Variants in MBOAT7 observed in about 807,000 individuals in gnomAD.
MBOAT7 encodes the protein membrane-bound acylglycerophosphatidylinositol O-acyltransferase MBOAT7.
In MBOAT7, 40 loss-of-function variants were observed where a neutral mutation model predicts 47.4. That is an observed-to-expected ratio of 0.84 (90% CI 0.66 to 1.10). The LOEUF is 1.10. Ranked by LOEUF, MBOAT7 falls within the 50% of genes least tolerant of loss-of-function variation. MBOAT7 has a pLI of 0.00. For missense variants in MBOAT7, 680 were observed against 655.6 expected, an observed-to-expected ratio of 1.04 and a Z score of -0.41; for synonymous variants, 361 against 292.0, an observed-to-expected ratio of 1.24 and a Z score of -2.41.
intron 7 of MBOAT7, 37 bp from the exon 8 acceptor site, chr19:54,174,468 A>G: frequency 1.3e-6 from 2 of 1,485,936 alleles, no homozygotes; most frequent in Non-Finnish European, 1.8e-6. Context: ...CTACGAGTCC[A>G]GGTCCCCAGT....
At position 54,187,182 on chromosome 19, in the gene MBOAT7, G is replaced by T; in HGVS notation, c.312C>A (p.Val104=). The T allele has an allele frequency of 6.3e-7, 1 of 1,582,340 alleles. No homozygotes were observed. The highest frequency in any genetic ancestry group is 8.6e-7 in the Non-Finnish European group (1 of 1,166,460). Residue 104 remains valine (V), a synonymous_variant, in exon 4 of 8, where the codon GTC becomes GTA. Coordinates refer to ENST00000245615, the MANE Select transcript of MBOAT7 (RefSeq NM_024298.5). ...LPTPTPFTNA[V]QLLLTLKLVS... is the part of the protein sequence containing the mutation. ...TGACCTTCAGCGTCAGCAGCAGCTG[G>T]ACGGCATTGGTGAAGGGCGTGGGAG...
At position 54,188,317 on chromosome 19, in the gene MBOAT7, C is replaced by T. The variant is rs1171700389; in HGVS notation, c.106G>A (p.Ala36Thr). The T allele has an allele frequency of 6.2e-7, 1 of 1,613,974 alleles. No homozygotes were observed. Residue 36 changes from alanine (A) to threonine (T), a missense_variant, in exon 3 of 8, where the codon GCT (alanine) becomes ACT (threonine). Transcript: ENST00000245615. ...AACAGGGTGAGCCCCAGGCCCACAG[C>T]GGCTGCTCCCCATCTCTTCAGCCCA... is the stretch of plus-strand genomic sequence containing the variant. Reference protein sequence around the residue: ...GPGLKRWGAAAVGLGLTLFTC... With the variant: ...GPGLKRWGAATVGLGLTLFTC...
intron 3 of MBOAT7, among the ~76,000 whole-genome samples, 180 bp downstream of exon 3, chr19:54,188,035 AAG>A (rs112532057): frequency 0.42 from 58,718 of 140,768 alleles, 12,785 homozygotes; most frequent in East Asian, 0.57. Flanking sequence ...GAAAGAAAGA[AAG>A]AAAGAAAGAA....
intron 7 of MBOAT7, among the ~76,000 whole-genome samples, chr19:54,175,872 C>G (rs901857481): frequency 1.3e-5 from 2 of 152,192 alleles, no homozygotes; most frequent in Non-Finnish European, 2.9e-5. Context: ...CTACAGGTGC[C>G]CACCACCATG....
At position 54,188,653 on chromosome 19, in the gene MBOAT7, G is replaced by A. The variant is rs896638199; in HGVS notation, c.-3-142C>T. The A allele has an allele frequency of 1.6e-5, 12 of 765,386 alleles. No individual in the cohort carries two copies. In the African/African-American group the frequency reaches 2.1e-4, roughly 14 times the overall value. 47.4% of individuals were successfully genotyped at this position (765,386 alleles called of 1,614,324 possible). ...GTATGAGCCTCAGCTCCTCTCCTTTGAGAACCTAGCAACCCAGACTCCAGC... is the reference window on the plus strand; with the variant it reads ...GTATGAGCCTCAGCTCCTCTCCTTTAAGAACCTAGCAACCCAGACTCCAGC... On this transcript the variant is annotated intron_variant, in intron 1 of 7. Transcript: ENST00000245615.
At position 54,180,464 on chromosome 19, in the gene MBOAT7, G is replaced by A. The variant is rs1435086742; in HGVS notation, c.854+309C>T. 3.0e-6 allele frequency: 1 copy of A among 332,404 alleles called. No individual in the cohort carries two copies. The highest frequency in any genetic ancestry group is 5.5e-6 in the Non-Finnish European group (1 of 181,954). The allele number at this position is 332,404 out of a possible 1,614,324, so 20.6% of individuals were successfully genotyped here. A position where few individuals can be genotyped will look rare whatever the true frequency, so the allele number is the denominator to read the frequency against. On this transcript the variant is annotated intron_variant, in intron 6 of 7. Coordinates refer to ENST00000245615, the MANE Select transcript of MBOAT7 (RefSeq NM_024298.5). The surrounding 1 kb of genome is among the most constrained non-coding windows in gnomAD (Gnocchi z 5.2). ...AAGCAGGAACAATCTGGTTCTGGGG[G>A]GTGACACTTCTGTGGCAACAGAGGG...
At chr19:54,184,484 T>C (rs2076376955) in intron 4 of MBOAT7, among the ~76,000 whole-genome samples, 1 of 152,110 alleles carries the variant, frequency 6.6e-6, no homozygotes. Flanking sequence ...TCAGTAGAAA[T>C]CCCTGGCTGG....
At chr19:54,175,849 C>G (rs550986279) in intron 7 of MBOAT7, among the ~76,000 whole-genome samples, 15 of 152,200 alleles carry the variant, frequency 9.9e-5, no homozygotes, top group Non-Finnish European at 2.1e-4. Flanking sequence ...CTCAGCCTCC[C>G]GAGCAGCTGG....
intron 7 of MBOAT7, among the ~76,000 whole-genome samples, chr19:54,175,130 C>G (rs535201262): frequency 6.6e-6 from 1 of 152,082 alleles, no homozygotes; most frequent in Non-Finnish European, 1.5e-5. Flanking sequence ...CGCCTGCCAC[C>G]ACGCCCGGCT....
At chr19:54,174,539 G>A (rs943803230) in intron 7 of MBOAT7, 108 bp from the exon 8 acceptor site, 9 of 1,180,910 alleles carry the variant, frequency 7.6e-6, no homozygotes, top group Middle Eastern at 2.9e-4. Context: ...AGACCGAGAA[G>A]TGCAGGCCCA....
Position 54,181,033 on chromosome 19 carries a change from G to A in MBOAT7, c.594C>T (p.Ala198=). ...GCAGGAACAGCAGGCCGAAGAGCGG[G>A]GCCGGCCAGGCGCGGCGCAGCAGGG... ...LRPLLRRAWP[A]PLFGLLFLLS... Residue 198 remains alanine (A), a synonymous_variant, in exon 6 of 8, where the codon GCC becomes GCT. Transcript: ENST00000245615. 1 of 1,550,652 alleles carries A rather than the reference G, an allele frequency of 6.4e-7. No homozygotes were observed. Among genetic ancestry groups the A allele is most frequent in the South Asian group, 1.2e-5 (1 of 84,106 alleles).
intron 7 of MBOAT7, among the ~76,000 whole-genome samples, chr19:54,176,188 T>G (rs1354918063): frequency 6.6e-6 from 1 of 152,068 alleles, no homozygotes; most frequent in Non-Finnish European, 1.5e-5. Flanking sequence ...GGAGTCTTGC[T>G]ATGTTGACCT....
At chr19:54,179,905 AG>A (rs1490716418) in intron 6 of MBOAT7, 5 of 152,260 alleles carry the variant, frequency 3.3e-5, no homozygotes, top group African/African-American at 2.4e-5. Context: ...TGCAGCTGTC[AG>A]GAACACAAGG....
chr19:54,178,598 G>C (rs2076174236), intron 7 of MBOAT7, 167 bp downstream of exon 7: 1 of 1,430,088 alleles, frequency 7.0e-7, no homozygotes, highest in Non-Finnish European at 9.1e-7. Flanking sequence ...TTTTACACCG[G>C]CATGCTGCCA....
intron 4 of MBOAT7, among the ~76,000 whole-genome samples, chr19:54,184,247 C>A (rs1364855478): frequency 2.0e-5 from 3 of 150,468 alleles, no homozygotes; most frequent in African/African-American, 7.4e-5. Context: ...ACTGCAACCC[C>A]CACCTCCTGG....
In MBOAT7 at chr19:54,180,936, G is replaced by GGCGGGCGGGCA. The variant is rs1264222654; in HGVS notation, c.680_690dup (p.Leu231CysfsTer8). The stretch of plus-strand genomic sequence containing the variant: ...AAGAAGACGGGGATCATGTAGAAGA[G>GGCGGGCGGGCA]GCGGGCGGGCAGCGGGCGGGCGTAG... On this transcript the variant is annotated frameshift_variant, in exon 6 of 8. Transcript: ENST00000245615. LOFTEE classifies it high-confidence loss of function. This position sits in a 1 kb window ranked among gnomAD's most constrained non-coding sequence, Gnocchi z 5.2. 16 of 1,591,270 alleles carry GGCGGGCGGGCA rather than the reference G, an allele frequency of 1.0e-5. No homozygotes were observed. The highest frequency in any genetic ancestry group is 1.3e-5 in the Non-Finnish European group (15 of 1,171,094).
intron 7 of MBOAT7, among the ~76,000 whole-genome samples, chr19:54,176,414 C>T (rs192093038): frequency 6.6e-6 from 1 of 151,814 alleles, no homozygotes; most frequent in Non-Finnish European, 1.5e-5. Flanking sequence ...AAAGATTAGT[C>T]TGTCATGGTA....
At chr19:54,175,156 T>C (rs563537642) in intron 7 of MBOAT7, among the ~76,000 whole-genome samples, 2 of 152,160 alleles carry the variant, frequency 1.3e-5, no homozygotes, top group Non-Finnish European at 1.5e-5. Context: ...TCTTTTCTAT[T>C]TTTAGTAGAG....
intron 3 of MBOAT7, among the ~76,000 whole-genome samples, chr19:54,188,015 C>CAGAAAGAA (rs374807150): frequency 0.034 from 2,653 of 77,432 alleles, 47 homozygotes; most frequent in African/African-American, 0.045. Flanking sequence ...AACTCCATCT[C>CAGAAAGAA]AGAAAGAAAG....
Sources: allele counts gnomAD v4.1 joint callset (sites outside exome capture counted in the v4.1 genomes callset), GRCh38; gene constraint gnomAD v4.1.1; non-coding constraint Gnocchi (gnomAD v3.1); transcripts MANE v1.5; gene names NCBI Gene and HGNC (gene_info 2026-07-23, HGNC 2026-07-21).